ZNF91: variants seen among roughly 807,000 people sequenced by gnomAD.
ZNF91 encodes zinc finger protein 91 (HPF7, HTF10).
A neutral mutation model predicts 12.6 loss-of-function variants in ZNF91; 7 were observed. The observed-to-expected ratio is 0.55, with a 90% CI of 0.31 to 1.04. The LOEUF (loss-of-function observed/expected upper bound fraction) is 1.04, where lower values mean the gene tolerates loss of function less well. Ranked by LOEUF, ZNF91 falls within the 50% of genes least tolerant of loss-of-function variation. The pLI is 0.05. For synonymous variants in ZNF91, 453 were observed against 462.6 expected (o/e 0.98, Z 0.27); for missense variants, 1,217 against 1,385.4 (o/e 0.88, Z 1.93).
At chr19:23,380,910 A>T (rs1969692192) in intron 1 of ZNF91, 1 of 152,202 alleles carries the variant, frequency 6.6e-6, no homozygotes, top group South Asian at 2.1e-4. Flanking sequence ...AATATAATGG[A>T]ATATATGTGA....
intron 2 of ZNF91, 132 bp downstream of exon 2, chr19:23,374,506 G>A: frequency 1.0e-6 from 1 of 954,564 alleles, no homozygotes; most frequent in Non-Finnish European, 1.4e-6. Flanking sequence ...CTTGCAATGA[G>A]CCAAGATCTC....
At chr19:23,329,617 CAA>C (rs1967892529) in intron 1 of ZNF91, among the ~76,000 whole-genome samples, 2 of 152,196 alleles carry the variant, frequency 1.3e-5, no homozygotes, top group Admixed American at 1.3e-4. Flanking sequence ...ACCCCTTTCA[CAA>C]AGAGTGAAAC....
Position 23,360,872 on chromosome 19 carries a change from T to C in ZNF91, c.2107A>G (p.Lys703Glu), listed in dbSNP as rs1368636693. 2 of 1,613,924 alleles carry C rather than the reference T, an allele frequency of 1.2e-6. No homozygotes were observed. The highest frequency in any genetic ancestry group is 2.2e-5 in the East Asian group (1 of 44,846). ...KTFKRLSTLT[K>E]HKIIHAGEKL... ...TCTCCAGCATGTATTATTTTATGTT[T>C]AGTAAGGGTTGAGAGTCGCTTAAAA... The change falls in exon 4 of 4, where the codon AAA (lysine) becomes GAA (glutamate). Residue 703 changes from lysine (K) to glutamate (E), a missense_variant. Coordinates refer to ENST00000300619, the MANE Select transcript of ZNF91 (RefSeq NM_003430.4).
chr19:23,322,125 G>T (rs1394382350), intron 1 of ZNF91, among the ~76,000 whole-genome samples: 4 of 152,162 alleles, frequency 2.6e-5, no homozygotes, highest in South Asian at 2.1e-4. Flanking sequence ...CCCCTTGGGG[G>T]TGATTGTGAC....
At chr19:23,394,718 ACTC>A (rs1970174909) in intron 1 of ZNF91, among the ~76,000 whole-genome samples, 1 of 152,080 alleles carries the variant, frequency 6.6e-6, no homozygotes. Flanking sequence ...AGAGAGCAAA[ACTC>A]CTTTTCAAAA....
intron 1 of ZNF91, among the ~76,000 whole-genome samples, chr19:23,381,974 AT>A (rs1969733485): frequency 6.6e-6 from 1 of 151,772 alleles, no homozygotes; most frequent in Non-Finnish European, 1.5e-5. Flanking sequence ...AAGACTAAAA[AT>A]TGTAAGAACA....
At chr19:23,326,495 T>C (rs1006126708) in intron 1 of ZNF91, 7 of 152,078 alleles carry the variant, frequency 4.6e-5, no homozygotes, top group Non-Finnish European at 1.0e-4. Context: ...GTCCAGCTAA[T>C]TTTTGTATTT....
intron 3 of ZNF91, among the ~76,000 whole-genome samples, chr19:23,344,376 G>A (rs1227712844): frequency 6.6e-6 from 1 of 152,102 alleles, no homozygotes; most frequent in South Asian, 2.1e-4. Context: ...TTACAGAGGT[G>A]AGCCACCGCG....
At chr19:23,314,080 A>G (rs1425616872), upstream of ZNF91, among the ~76,000 whole-genome samples, 1 of 152,180 alleles carries the variant, frequency 6.6e-6, no homozygotes, top group Non-Finnish European at 1.5e-5. Context: ...GAATTGTGAC[A>G]TATATTCCTG....
At chr19:23,363,639 G>T (rs1968894685) in intron 3 of ZNF91, among the ~76,000 whole-genome samples, 1 of 152,004 alleles carries the variant, frequency 6.6e-6, no homozygotes, top group Non-Finnish European at 1.5e-5. Flanking sequence ...CTCAATCAAA[G>T]ATTATAATGT....
At chr19:23,369,399 C>A (rs1184568952) in intron 3 of ZNF91, among the ~76,000 whole-genome samples, 1 of 151,732 alleles carries the variant, frequency 6.6e-6, no homozygotes, top group Non-Finnish European at 1.5e-5. Flanking sequence ...GGGTGCGCCT[C>A]CGCCCGGCCG....
In ZNF91 at chr19:23,358,684, C is replaced by T. The variant is rs1968568890; in HGVS notation, c.*719G>A. The T allele has an allele frequency of 6.4e-6, 1 of 155,124 alleles. No individual in the cohort carries two copies. The highest frequency in any genetic ancestry group is 2.0e-4 in the South Asian group (1 of 4,966). The allele number at this position is 155,124 out of a possible 1,614,324, so 9.6% of individuals were successfully genotyped here. ...GTGTGAGCATTAGTTCAAAGCTTGG[C>T]CACATTGTTCACACTGGTAGTTTTC... On this transcript the variant is annotated 3_prime_UTR_variant, in exon 4 of 4. Transcript: ENST00000300619.
intron 3 of ZNF91, among the ~76,000 whole-genome samples, chr19:23,370,891 GA>G (rs1444709322): frequency 6.6e-6 from 1 of 151,892 alleles, no homozygotes; most frequent in East Asian, 1.9e-4. Context: ...AAAAAAGACA[GA>G]AAAAATAAAG....
chr19:23,324,128 C>T (rs1167751684), intron 1 of ZNF91: 2 of 151,448 alleles, frequency 1.3e-5, no homozygotes, highest in Admixed American at 6.6e-5. Flanking sequence ...CTCATCCTCT[C>T]CTCCTCCTCT....
Position 23,359,456 on chromosome 19 carries a change from C to G in ZNF91, c.3523G>C (p.Gly1175Arg). Residue 1175 changes from glycine to arginine, a missense_variant, in exon 4 of 4, where the codon GGT (glycine) becomes CGT (arginine). Physicochemically the swap from Gly to Arg is moderately radical, Grantham distance 125 (BLOSUM62 -2). Coordinates refer to ENST00000300619, the MANE Select transcript of ZNF91 (RefSeq NM_003430.4). ...LWEAEAGGSR[G>R]QEMETILANT... ...GCCAGGATGGTCTCCATCTCCTGAC[C>G]TCGTGATCCGCCCGCCTCGGCCTCC... is the stretch of plus-strand genomic sequence containing the variant. The G allele has an allele frequency of 6.5e-7, 1 of 1,538,824 alleles. No individual in the cohort carries two copies. The highest frequency in any genetic ancestry group is 9.0e-7 in the Non-Finnish European group (1 of 1,114,112).
chr19:23,385,011 G>T, intron 1 of ZNF91: 2 of 1,223,398 alleles, frequency 1.6e-6, no homozygotes, highest in Non-Finnish European at 2.4e-6. Context: ...GTCTGTTGGA[G>T]AACGGGACAG....
downstream of ZNF91, among the ~76,000 whole-genome samples, chr19:23,354,912 G>A (rs1000357636): frequency 3.3e-5 from 5 of 152,034 alleles, no homozygotes; most frequent in Non-Finnish European, 5.9e-5. Flanking sequence ...CGAAGGAGTC[G>A]AAAGACCTGT....
intron 3 of ZNF91, among the ~76,000 whole-genome samples, chr19:23,341,747 T>C (rs1323267687): frequency 6.6e-6 from 1 of 152,224 alleles, no homozygotes; most frequent in African/African-American, 2.4e-5. Flanking sequence ...CTGTCATTCA[T>C]GTTCCTGTGA....
At chr19:23,367,821 C>T (rs1004847902) in intron 3 of ZNF91, among the ~76,000 whole-genome samples, 1 of 152,144 alleles carries the variant, frequency 6.6e-6, no homozygotes, top group Non-Finnish European at 1.5e-5. Flanking sequence ...AACTGAATAT[C>T]CATTCTGATA....
Sources: gnomAD v4.1 joint callset for allele counts (sites outside exome capture counted in the v4.1 genomes callset) on GRCh38, gnomAD v4.1.1 for gene constraint, MANE v1.5 for transcripts, NCBI Gene and HGNC (gene_info 2026-07-23, HGNC 2026-07-21) for gene names.